SSH2: variants seen among roughly 807,000 people sequenced by gnomAD.
SSH2 encodes protein phosphatase Slingshot homolog 2.
In SSH2, 37 loss-of-function variants were observed where a neutral mutation model predicts 135.2. The ratio of observed to expected loss-of-function variants is 0.27; its 90% CI spans 0.21 to 0.36. The LOEUF (loss-of-function observed/expected upper bound fraction) is 0.36. Ranked by LOEUF, SSH2 falls within the 10% of genes least tolerant of loss-of-function variation. SSH2 has a pLI of 1.00. For synonymous variants in SSH2, 628 were observed against 646.2 expected (o/e 0.97, Z 0.43); for missense variants, 1,408 against 1,765.3 (o/e 0.80, Z 3.63).
At chr17:29,785,154 T>C (rs2041931945) in intron 3 of SSH2, among the ~76,000 whole-genome samples, 1 of 152,118 alleles carries the variant, frequency 6.6e-6, no homozygotes, top group South Asian at 2.1e-4. Flanking sequence ...AAATAATTTC[T>C]TCATTTTCAA....
In SSH2 at chr17:29,913,400, A is replaced by G. The variant is rs9908971; in HGVS notation, c.63+16538T>C. On this transcript the variant is annotated intron_variant, in intron 1 of 15. Coordinates refer to ENST00000540801, the MANE Select transcript of SSH2 (RefSeq NM_001282129.2). ...TATATATATCCAATTTCTACTAAAG[A>G]TGTAGTAAAGGGCTTTTACACTAGC... Among the ~76,000 whole-genome samples the G allele has an allele frequency of 6.8e-3, 785 of 115,596 alleles. 7 individuals are homozygous for G. The highest frequency in any genetic ancestry group is 0.023 in the African/African-American group (751 of 32,104). 75.8% of individuals were successfully genotyped at this position (115,596 alleles called of 152,430 possible).
At chr17:29,756,279 A>AG (rs1035486322) in intron 3 of SSH2, among the ~76,000 whole-genome samples, 25 of 151,506 alleles carry the variant, frequency 1.7e-4, no homozygotes, top group Non-Finnish European at 5.9e-5. Flanking sequence ...AAAAAAAAAA[A>AG]AGAGAGGGAG....
At chr17:29,635,388 T>C (rs1336485815) in intron 15 of SSH2, among the ~76,000 whole-genome samples, 2 of 152,134 alleles carry the variant, frequency 1.3e-5, no homozygotes, top group African/African-American at 4.8e-5. Context: ...AGATCTGATA[T>C]TAACTGCGTA....
intron 3 of SSH2, among the ~76,000 whole-genome samples, chr17:29,719,584 T>C (rs1489319416): frequency 6.6e-6 from 1 of 151,670 alleles, no homozygotes; most frequent in Non-Finnish European, 1.5e-5. Flanking sequence ...AGTACCCACC[T>C]GTGTTAGGCA....
At chr17:29,784,063 C>A (rs1302709716) in intron 3 of SSH2, among the ~76,000 whole-genome samples, 1 of 20,118 alleles carries the variant, frequency 5.0e-5, no homozygotes, top group African/African-American at 2.6e-4. Context: ...GAGACTCCGT[C>A]TCAAAAAAAA....
At chr17:29,798,564 C>T (rs894733183) in intron 2 of SSH2, among the ~76,000 whole-genome samples, 1 of 152,106 alleles carries the variant, frequency 6.6e-6, no homozygotes, top group Non-Finnish European at 1.5e-5. Flanking sequence ...TGATTATTAT[C>T]GTTATGCATA....
intron 2 of SSH2, among the ~76,000 whole-genome samples, chr17:29,847,484 T>C (rs765772601): frequency 2.2e-4 from 33 of 152,148 alleles, no homozygotes; most frequent in Non-Finnish European, 3.8e-4. Context: ...TCAGGTTTTT[T>C]TGAGGGAGGG....
intron 3 of SSH2, chr17:29,716,322 C>G: frequency 2.2e-6 from 1 of 454,694 alleles, no homozygotes; most frequent in South Asian, 2.2e-5. Context: ...TTTTTCTGAT[C>G]ATTTTCTTTC....
At chr17:29,703,653 G>GC (rs34704864) in intron 3 of SSH2, among the ~76,000 whole-genome samples, 84,791 of 151,310 alleles carry the variant, frequency 0.56, 24,096 homozygotes, top group East Asian at 0.69. Context: ...TCGGCTCACT[G>GC]CAACAACCTC....
At chr17:29,659,841 A>G (rs1026182464) in intron 11 of SSH2, among the ~76,000 whole-genome samples, 2 of 137,448 alleles carry the variant, frequency 1.5e-5, no homozygotes, top group Non-Finnish European at 3.1e-5. Context: ...CATTTTATAT[A>G]TATTTTTTGA....
chr17:29,717,019 C>T (rs2039647248), intron 3 of SSH2, among the ~76,000 whole-genome samples: 1 of 152,204 alleles, frequency 6.6e-6, no homozygotes. Context: ...GACATTAAGT[C>T]CCTCTGGTAA....
intron 1 of SSH2, among the ~76,000 whole-genome samples, chr17:29,907,577 G>A (rs568471347): frequency 6.6e-6 from 1 of 152,306 alleles, no homozygotes; most frequent in East Asian, 1.9e-4. Flanking sequence ...GCAGTCTTTC[G>A]AATATACAAG....
At chr17:29,911,466 C>T (rs530133657) in intron 1 of SSH2, among the ~76,000 whole-genome samples, 110 of 152,246 alleles carry the variant, frequency 7.2e-4, no homozygotes, top group Middle Eastern at 3.4e-3. Flanking sequence ...TAAATGACTA[C>T]GTGAGGTAGT....
chr17:29,820,328 T>C (rs2042630418), intron 2 of SSH2, among the ~76,000 whole-genome samples: 1 of 152,230 alleles, frequency 6.6e-6, no homozygotes, highest in Non-Finnish European at 1.5e-5. Context: ...TCTGTTTCTG[T>C]ATTGGCTCTT....
chr17:29,889,971 T>C (rs1294890438), intron 1 of SSH2, among the ~76,000 whole-genome samples: 1 of 151,924 alleles, frequency 6.6e-6, no homozygotes, highest in Non-Finnish European at 1.5e-5. Context: ...AAAAAATTTT[T>C]TTAATTAAAA....
rs1023717765 is a variant in SSH2, at chr17:29,628,142, T to G, written c.*2699A>C. 4.2e-4 allele frequency: 64 copies of G among 152,334 alleles called. 1 individual carries two copies. Among genetic ancestry groups the G allele is most frequent in the Admixed American group, 4.1e-3 (62 of 15,304 alleles). The allele number at this position is 152,334 out of a possible 1,614,324, so 9.4% of individuals were successfully genotyped here. On this transcript the variant is annotated 3_prime_UTR_variant, in exon 16 of 16. Coordinates refer to ENST00000540801, the MANE Select transcript of SSH2 (RefSeq NM_001282129.2). ...TTCACTGCGCACCTCCCCTGGACAC[T>G]GCTCAGCTATGTAAATAACCCAGGA... is the stretch of plus-strand genomic sequence containing the variant.
At position 29,630,962 on chromosome 17, in the gene SSH2, C is replaced by A. The variant is rs1341158933; in HGVS notation, c.4232G>T (p.Cys1411Phe). The change falls in exon 16 of 16, where the codon TGC becomes TTC. Residue 1411 changes from cysteine (C) to phenylalanine (F), a missense_variant. By Grantham distance (205) the Cys-to-Phe change is radical (BLOSUM62 -2). Transcript: ENST00000540801. Reference sequence around the variant, plus strand: ...TGCCACGGCCAGCCCTGGAGCTGGGCATGCACACTGCAGTCCCTGGGTCTG... The same window carrying A: ...TGCCACGGCCAGCCCTGGAGCTGGGAATGCACACTGCAGTCCCTGGGTCTG... ...VLQTQGLQCA[C>F]PAPGLAVAPR... is the part of the protein sequence containing the mutation. The A allele has an allele frequency of 1.6e-5, 26 of 1,612,970 alleles. No homozygotes were observed. The highest frequency in any genetic ancestry group is 2.7e-5 in the African/African-American group (2 of 74,896).
chr17:29,801,768 T>C (rs1017062371), intron 2 of SSH2, among the ~76,000 whole-genome samples: 3 of 152,226 alleles, frequency 2.0e-5, no homozygotes, highest in Non-Finnish European at 4.4e-5. Context: ...TATGTGCAGA[T>C]GGAACTCAAT....
chr17:29,913,782 G>A (rs2066830697), intron 1 of SSH2, among the ~76,000 whole-genome samples: 1 of 151,894 alleles, frequency 6.6e-6, no homozygotes. Context: ...TTACAGGCAA[G>A]CACCACCACG....
Sources: allele counts gnomAD v4.1 joint callset (sites outside exome capture counted in the v4.1 genomes callset), GRCh38; gene constraint gnomAD v4.1.1; transcripts MANE v1.5; gene names NCBI Gene and HGNC (gene_info 2026-07-23, HGNC 2026-07-21).